The following SHISA6 variants were observed in gnomAD, a reference collection of about 807,000 sequenced individuals.
SHISA6 encodes shisa family member 6.
Under a neutral mutation model 47.9 loss-of-function variants are expected in SHISA6, and 22 were observed. The observed-to-expected ratio is 0.46, with a 90% CI of 0.33 to 0.66. SHISA6 has a LOEUF of 0.66. SHISA6 is among the 30% of genes least tolerant of loss of function. The pLI is 0.02. For synonymous variants in SHISA6, 388 were observed against 337.8 expected (o/e 1.15, Z -1.63); for missense variants, 680 against 764.6 (o/e 0.89, Z 1.30).
intron 2 of SHISA6, among the ~76,000 whole-genome samples, chr17:11,331,981 C>T (rs1471819619): frequency 6.6e-6 from 1 of 151,882 alleles, no homozygotes; most frequent in Non-Finnish European, 1.5e-5. Context: ...GAATCACTTC[C>T]TCTCTTCTCT....
At chr17:11,437,959 C>T (rs1914987177) in intron 3 of SHISA6, among the ~76,000 whole-genome samples, 1 of 152,086 alleles carries the variant, frequency 6.6e-6, no homozygotes, top group Non-Finnish European at 1.5e-5. Flanking sequence ...CAGATGACTC[C>T]AACCATAATG....
chr17:11,269,064 T>TG (rs1908542896), intron 2 of SHISA6, among the ~76,000 whole-genome samples: 3 of 150,572 alleles, frequency 2.0e-5, no homozygotes, highest in Admixed American at 6.6e-5. Flanking sequence ...TTTTTTTTAA[T>TG]GGAGTCTTGC....
chr17:11,481,836 A>T (rs2142331157), intron 3 of SHISA6, among the ~76,000 whole-genome samples: 1 of 152,252 alleles, frequency 6.6e-6, no homozygotes, highest in East Asian at 1.9e-4. Flanking sequence ...AAGGAATGAA[A>T]GGAAGCAAAT....
intron 2 of SHISA6, among the ~76,000 whole-genome samples, chr17:11,353,142 G>A (rs1911947173): frequency 6.6e-6 from 1 of 152,066 alleles, no homozygotes; most frequent in Non-Finnish European, 1.5e-5. Context: ...TGTTACAGCT[G>A]CCGGTGCATA....
At chr17:11,436,964 C>G (rs1567605739) in intron 3 of SHISA6, among the ~76,000 whole-genome samples, 1 of 152,190 alleles carries the variant, frequency 6.6e-6, no homozygotes, top group Admixed American at 6.5e-5. Context: ...AATCATTAGG[C>G]TCCTGTGTAT....
At chr17:11,487,274 G>A (rs1018256628) in intron 3 of SHISA6, among the ~76,000 whole-genome samples, 11 of 152,216 alleles carry the variant, frequency 7.2e-5, no homozygotes, top group African/African-American at 2.4e-4. Context: ...GGTGTTGCAA[G>A]ATTCTCTCCT....
chr17:11,261,959 C>T (rs1908248412), intron 1 of SHISA6, among the ~76,000 whole-genome samples: 1 of 152,210 alleles, frequency 6.6e-6, no homozygotes, highest in Non-Finnish European at 1.5e-5. Context: ...TCCAATTTCT[C>T]TACCTCCTTG....
intron 3 of SHISA6, among the ~76,000 whole-genome samples, chr17:11,528,800 G>A (rs2071708818): frequency 6.6e-6 from 1 of 152,154 alleles, no homozygotes; most frequent in Non-Finnish European, 1.5e-5. Flanking sequence ...GACATCACCA[G>A]ATCCAGCTCG....
intron 1 of SHISA6, among the ~76,000 whole-genome samples, chr17:11,244,851 A>G (rs1558216): frequency 0.87 from 131,906 of 152,162 alleles, 57,557 homozygotes; most frequent in Admixed American, 0.93. Flanking sequence ...AGGTGGGCAG[A>G]CAGGGGCTGA....
chr17:11,410,176 T>C (rs1402785573), intron 3 of SHISA6, among the ~76,000 whole-genome samples: 2 of 152,190 alleles, frequency 1.3e-5, no homozygotes, highest in East Asian at 3.9e-4. Flanking sequence ...CTACAGTTGC[T>C]AGGGTAAGAC....
At chr17:11,450,773 C>G (rs551256280) in intron 3 of SHISA6, among the ~76,000 whole-genome samples, 1 of 151,826 alleles carries the variant, frequency 6.6e-6, no homozygotes, top group Non-Finnish European at 1.5e-5. Context: ...GGAAATCGCA[C>G]CAAGGAAGGA....
At chr17:11,515,253 A>G (rs1314260471) in intron 3 of SHISA6, among the ~76,000 whole-genome samples, 5 of 149,636 alleles carry the variant, frequency 3.3e-5, no homozygotes, top group Admixed American at 6.6e-5. Flanking sequence ...AAAAAAAAAA[A>G]AAAAAGAAAA....
intron 3 of SHISA6, among the ~76,000 whole-genome samples, chr17:11,462,697 G>A (rs377452406): frequency 3.3e-5 from 5 of 152,004 alleles, no homozygotes; most frequent in African/African-American, 4.8e-5. Flanking sequence ...GCACGATCTC[G>A]GCTCACTGCA....
chr17:11,298,560 G>T (rs1909824517), intron 2 of SHISA6, among the ~76,000 whole-genome samples: 1 of 152,198 alleles, frequency 6.6e-6, no homozygotes, highest in Non-Finnish European at 1.5e-5. Context: ...CAGGCAACAG[G>T]TGATGACAAG....
chr17:11,482,383 T>C (rs988874773), intron 3 of SHISA6, among the ~76,000 whole-genome samples: 4 of 152,200 alleles, frequency 2.6e-5, no homozygotes, highest in Admixed American at 2.6e-4. Context: ...AGACGGCAGC[T>C]ACACAGTGGA....
chr17:11,468,120 G>A (rs1915854597), intron 3 of SHISA6, among the ~76,000 whole-genome samples: 1 of 151,754 alleles, frequency 6.6e-6, no homozygotes, highest in Non-Finnish European at 1.5e-5. Context: ...CTGTTCTCTG[G>A]CCTGTTTCCA....
chr17:11,563,807 A>G lies in SHISA6; in HGVS notation c.*5503A>G, dbSNP rs1164337540. ...CCAATTTATGAATTCCATGTTTATT[A>G]TATGGTAGTACTGATGAAAAGTACC... On this transcript the variant is annotated 3_prime_UTR_variant, in exon 6 of 6. Transcript: ENST00000441885. 1 of 152,220 alleles carries G rather than the reference A, an allele frequency of 6.6e-6. No homozygotes were observed. The highest frequency in any genetic ancestry group is 1.5e-5 in the Non-Finnish European group (1 of 68,034). 9.4% of individuals were successfully genotyped at this position (152,220 alleles called of 1,614,324 possible). A position where few individuals can be genotyped will look rare whatever the true frequency, so the allele number is the denominator to read the frequency against.
chr17:11,413,822 G>A (rs1396085110), intron 3 of SHISA6, among the ~76,000 whole-genome samples: 6 of 152,112 alleles, frequency 3.9e-5, no homozygotes, highest in African/African-American at 1.4e-4. Context: ...AAGACACGTA[G>A]CCAGCTCAGC....
chr17:11,247,092 A>G (rs1907621537), intron 1 of SHISA6, among the ~76,000 whole-genome samples: 2 of 152,194 alleles, frequency 1.3e-5, no homozygotes, highest in Admixed American at 6.5e-5. Context: ...AGACACAGCT[A>G]GAGAAAAAAG....
Sources: allele counts gnomAD v4.1 joint callset (sites outside exome capture counted in the v4.1 genomes callset), GRCh38; gene constraint gnomAD v4.1.1; transcripts MANE v1.5; gene names NCBI Gene and HGNC (gene_info 2026-07-23, HGNC 2026-07-21).